OSTN: variants seen among roughly 807,000 people sequenced by gnomAD.
OSTN encodes osteocrin.
A neutral mutation model predicts 12.0 loss-of-function variants in OSTN; 9 were observed. The observed-to-expected ratio is 0.75, with a 90% CI of 0.45 to 1.30. OSTN has a LOEUF of 1.30. OSTN is among the 50% of genes most tolerant of loss of function. The pLI, the probability that OSTN is intolerant of heterozygous loss-of-function variation, is 0.00. For missense variants in OSTN, 148 were observed against 152.3 expected (o/e 0.97, Z 0.15); for synonymous variants, 59 against 56.9 (o/e 1.04, Z -0.16).
chr3:191,226,330 A>G lies in OSTN; in HGVS notation c.317+7369A>G, dbSNP rs1325174108. 3.3e-5 allele frequency among the ~76,000 whole-genome samples: 5 copies of G among 152,196 alleles called. No homozygotes were observed. In the East Asian group the frequency reaches 9.6e-4, roughly 29 times the overall value. On this transcript the variant is annotated intron_variant, in intron 3 of 4. Coordinates refer to ENST00000682035, the MANE Select transcript of OSTN (RefSeq NM_198184.2). ...GGTGACAGAAGAGGTATTTGACAAA[A>G]TCTAATATTTATTAATGTCTAAGAA...
At chr3:191,213,595 C>T (rs1464630979) in intron 2 of OSTN, among the ~76,000 whole-genome samples, 1 of 151,648 alleles carries the variant, frequency 6.6e-6, no homozygotes, top group Non-Finnish European at 1.5e-5. Context: ...AATTACAGTA[C>T]AAATATTTTC....
chr3:191,201,651 T>C (rs1250691248), intron 1 of OSTN, among the ~76,000 whole-genome samples: 3 of 152,146 alleles, frequency 2.0e-5, no homozygotes, highest in African/African-American at 7.2e-5. Flanking sequence ...ATGCACCAAA[T>C]GTTAGAGTGA....
At chr3:191,227,734 G>A (rs1007176814) in intron 3 of OSTN, among the ~76,000 whole-genome samples, 3 of 152,098 alleles carry the variant, frequency 2.0e-5, no homozygotes, top group Admixed American at 6.6e-5. Context: ...GTTGACAGAC[G>A]ACCATCTGGG....
chr3:191,263,070 ATATATT>A lies in OSTN; in HGVS notation c.*219_*224del, dbSNP rs1289900931. The A allele has an allele frequency of 4.1e-6, 2 of 492,942 alleles. No individual in the cohort carries two copies. Among genetic ancestry groups the A allele is most frequent in the Non-Finnish European group, 7.2e-6 (2 of 278,308 alleles). 30.5% of individuals were successfully genotyped at this position (492,942 alleles called of 1,614,324 possible). On this transcript the variant is annotated 3_prime_UTR_variant, in exon 5 of 5. Coordinates refer to ENST00000682035, the MANE Select transcript of OSTN (RefSeq NM_198184.2). ...TTTGATGCACGTACATTTTAAAATT[ATATATT>A]TTAATTATTCAAGAATGGTTAACTT...
intron 2 of OSTN, among the ~76,000 whole-genome samples, chr3:191,218,417 T>C (rs534801794): frequency 6.6e-6 from 1 of 151,850 alleles, no homozygotes; most frequent in African/African-American, 2.4e-5. Flanking sequence ...AGGTCAGGAG[T>C]TCGAGACCAG....
Position 191,262,851 on chromosome 3 carries a change from C to T in OSTN, c.*13-15C>T, listed in dbSNP as rs767292735. 1 of 701,788 alleles carries T rather than the reference C, an allele frequency of 1.4e-6. No homozygotes were observed. The highest frequency in any genetic ancestry group is 1.5e-5 in the South Asian group (1 of 67,498). The allele number at this position is 701,788 out of a possible 1,614,324, so 43.5% of individuals were successfully genotyped here. ...TTCTCATTAGCTTTAACAATCTCAA[C>T]TTTCGTTTTTGCAGATGCAACTTCC... On this transcript the variant is annotated splice_polypyrimidine_tract_variant and intron_variant, in intron 4 of 4. Transcript: ENST00000682035.
chr3:191,205,331 T>C (rs1409213147), intron 1 of OSTN, among the ~76,000 whole-genome samples: 2 of 152,110 alleles, frequency 1.3e-5, no homozygotes, highest in African/African-American at 4.8e-5. Context: ...CCTGAGTTTT[T>C]CCCCAGCATA....
At chr3:191,242,441 G>C (rs1176373122) in intron 3 of OSTN, among the ~76,000 whole-genome samples, 1 of 152,088 alleles carries the variant, frequency 6.6e-6, no homozygotes, top group Non-Finnish European at 1.5e-5. Context: ...AGCAGCAATA[G>C]GATTTCTATA....
chr3:191,214,404 C>T (rs563832175), intron 2 of OSTN, among the ~76,000 whole-genome samples: 20 of 123,436 alleles, frequency 1.6e-4, no homozygotes, highest in African/African-American at 5.7e-4. Flanking sequence ...GCCAAGATCG[C>T]ACCAGCCTGT....
At chr3:191,261,398 A>G (rs1460938046) in intron 4 of OSTN, among the ~76,000 whole-genome samples, 8 of 152,096 alleles carry the variant, frequency 5.3e-5, no homozygotes, top group African/African-American at 1.7e-4. Flanking sequence ...TTTAGTGACA[A>G]GAGAGGTTAT....
At chr3:191,259,281 G>A (rs1047532216) in intron 4 of OSTN, among the ~76,000 whole-genome samples, 1 of 150,548 alleles carries the variant, frequency 6.6e-6, no homozygotes, top group South Asian at 2.1e-4. Flanking sequence ...TGCAACCTCC[G>A]CCTCCCAGAT....
chr3:191,252,859 C>A (rs1715589896), intron 4 of OSTN, among the ~76,000 whole-genome samples: 1 of 152,208 alleles, frequency 6.6e-6, no homozygotes, highest in South Asian at 2.1e-4. Context: ...GGGGATGTAT[C>A]ATTTAACAGA....
At chr3:191,260,670 T>A (rs1038297995) in intron 4 of OSTN, among the ~76,000 whole-genome samples, 1 of 152,156 alleles carries the variant, frequency 6.6e-6, no homozygotes, top group Admixed American at 6.5e-5. Flanking sequence ...TTCCCAGGCA[T>A]TTTTAGGATG....
At chr3:191,233,302 C>T (rs761848337) in intron 3 of OSTN, among the ~76,000 whole-genome samples, 4 of 152,168 alleles carry the variant, frequency 2.6e-5, no homozygotes, top group Non-Finnish European at 5.9e-5. Context: ...AGGACACTAG[C>T]TTCATTTTCT....
Position 191,262,900 on chromosome 3 carries a change from T to G in OSTN, c.*47T>G. 2 of 702,164 alleles carry G rather than the reference T, an allele frequency of 2.8e-6. No homozygotes were observed. The highest frequency in any genetic ancestry group is 1.5e-5 in the South Asian group (1 of 67,526). 43.5% of individuals were successfully genotyped at this position (702,164 alleles called of 1,614,324 possible). ...CCTTGGGTGAAATGTCACAGCAATA[T>G]GGAAGATGCTTCACTGAAGTTATTC... On this transcript the variant is annotated 3_prime_UTR_variant, in exon 5 of 5. Transcript: ENST00000682035.
At chr3:191,244,953 A>G (rs1715397481) in intron 3 of OSTN, among the ~76,000 whole-genome samples, 1 of 152,144 alleles carries the variant, frequency 6.6e-6, no homozygotes, top group Non-Finnish European at 1.5e-5. Flanking sequence ...CTTGACCAGT[A>G]GTTTTCACTT....
At chr3:191,202,331 C>T (rs1714168649) in intron 1 of OSTN, among the ~76,000 whole-genome samples, 1 of 152,208 alleles carries the variant, frequency 6.6e-6, no homozygotes, top group African/African-American at 2.4e-5. Context: ...AAAGGATCTG[C>T]TCTTGCAGAA....
chr3:191,252,286 C>T (rs1297578424), intron 4 of OSTN, among the ~76,000 whole-genome samples: 1 of 152,124 alleles, frequency 6.6e-6, no homozygotes, highest in Non-Finnish European at 1.5e-5. Context: ...AGGATGGTCT[C>T]GATCTCCTGA....
chr3:191,201,588 T>C (rs982762324), intron 1 of OSTN, among the ~76,000 whole-genome samples: 1 of 152,176 alleles, frequency 6.6e-6, no homozygotes, highest in African/African-American at 2.4e-5. Flanking sequence ...GGATTACATT[T>C]TTTATAGTTG....
Sources: gnomAD v4.1 joint callset for allele counts (sites outside exome capture counted in the v4.1 genomes callset) on GRCh38, gnomAD v4.1.1 for gene constraint, MANE v1.5 for transcripts, NCBI Gene and HGNC (gene_info 2026-07-23, HGNC 2026-07-21) for gene names.